The following TAF6 variants were observed in gnomAD, a reference collection of about 807,000 sequenced individuals.
TAF6 encodes the protein transcription initiation factor TFIID subunit 6.
TAF6 carries 50 observed loss-of-function variants against 73.5 expected under a neutral mutation model. The ratio of observed to expected loss-of-function variants is 0.68; its 90% CI spans 0.54 to 0.86. The LOEUF (loss-of-function observed/expected upper bound fraction) is 0.86, where lower values mean the gene tolerates loss of function less well. Among genes scored for constraint, TAF6 ranks in the 40% least tolerant of loss-of-function variants. The probability of loss-of-function intolerance (pLI) is 0.00; values close to 1 mark genes in which losing one functional copy is unlikely to be tolerated. For synonymous variants in TAF6, 424 were observed against 376.7 expected (o/e 1.13, Z -1.45); for missense variants, 768 against 899.5 (o/e 0.85, Z 1.87).
chr7:100,121,778 T>C (rs189212147), upstream of TAF6, among the ~76,000 whole-genome samples: 1,620 of 146,670 alleles, frequency 0.011, 17 homozygotes, highest in Middle Eastern at 0.024. Context: ...CGGCCGGGCG[T>C]GGTGGCTCAC....
chr7:100,113,958 G>A lies in TAF6; in HGVS notation c.157-4C>T, dbSNP rs922156250. On this transcript the variant is annotated splice_region_variant and splice_polypyrimidine_tract_variant and intron_variant, in intron 2 of 14. Transcript: ENST00000453269. ...TGTGCATGAACTTCAAGGCATCCTG[G>A]GGTCGGTGACAGAACAGACATCAGC... 1 of 1,614,158 alleles carries A rather than the reference G, an allele frequency of 6.2e-7. No homozygotes were observed. The highest frequency in any genetic ancestry group is 1.3e-5 in the African/African-American group (1 of 75,022).
rs374152959 is a variant in TAF6 at position 100,111,847 on chromosome 7, G to A, written c.799-18C>T. On this transcript the variant is annotated intron_variant, in intron 8 of 14. Coordinates refer to ENST00000453269, the MANE Select transcript of TAF6 (RefSeq NM_139315.3). The stretch of plus-strand genomic sequence containing the variant: ...ACACGGACCTGTGGGAGGGAGAAGT[G>A]CTGGGCATGGGGCAGGGAGACCCTC... The A allele has an allele frequency of 6.2e-6, 10 of 1,614,034 alleles. No individual in the cohort carries two copies. Among genetic ancestry groups the A allele is most frequent in the Middle Eastern group, 3.3e-4 (2 of 6,084 alleles).
chr7:100,117,271 T>TTC (rs1222774143), intron 1 of TAF6, among the ~76,000 whole-genome samples: 1 of 148,008 alleles, frequency 6.8e-6, no homozygotes, highest in East Asian at 2.0e-4. Flanking sequence ...AGGGCTCTTT[T>TTC]TTTTTTTTTT....
At chr7:100,121,116 A>ATTTT (rs1163501525), upstream of TAF6, 17 of 52,778 alleles carry the variant, frequency 3.2e-4, no homozygotes, top group African/African-American at 1.2e-3. Context: ...ATATATATAT[A>ATTTT]TTTTTTTTTT....
intron 13 of TAF6, 42 bp downstream of exon 13, chr7:100,108,325 C>T (rs755924814): frequency 1.9e-6 from 3 of 1,563,820 alleles, no homozygotes; most frequent in Non-Finnish European, 2.6e-6. Context: ...CAGGGGTTCT[C>T]CTCTGCTTCC....
chr7:100,121,116 A>ATATACATATT, upstream of TAF6: 1 of 52,800 alleles, frequency 1.9e-5, no homozygotes, highest in Non-Finnish European at 3.2e-5. Flanking sequence ...ATATATATAT[A>ATATACATATT]TTTTTTTTTT....
chr7:100,107,645 G>GT (rs778424679), intron 14 of TAF6, 22 bp from the exon 15 acceptor site: 1 of 1,607,780 alleles, frequency 6.2e-7, no homozygotes, highest in Non-Finnish European at 8.5e-7. Context: ...GGAAAGGCAG[G>GT]CCGCTTGCCC....
chr7:100,118,551 G>A (rs564353091), intron 1 of TAF6: 2 of 152,134 alleles, frequency 1.3e-5, no homozygotes, highest in South Asian at 4.2e-4. Flanking sequence ...CAGCTACTTA[G>A]GAGGCTGAGG....
In TAF6 at chr7:100,113,693, T is replaced by C; in HGVS notation, c.320A>G (p.Tyr107Cys). Residue 107 changes from tyrosine (Y) to cysteine (C), a missense_variant, in exon 4 of 15, where the codon TAT (tyrosine) becomes TGT (cysteine). By Grantham distance (194) the Tyr-to-Cys change is radical. Coordinates refer to ENST00000453269, the MANE Select transcript of TAF6 (RefSeq NM_139315.3). ...GCTCAGATCAACCTCCTTCTCCTCA[T>C]AGAAGTAAAGCTCCCGGCCCCCACC... Reference protein sequence around the residue: ...ASGGGRELYFYEEKEVDLSDI... With the variant: ...ASGGGRELYFCEEKEVDLSDI... 2 of 1,613,726 alleles carry C rather than the reference T, an allele frequency of 1.2e-6. No individual in the cohort carries two copies. Among genetic ancestry groups the C allele is most frequent in the Non-Finnish European group, 1.7e-6 (2 of 1,179,932 alleles).
At chr7:100,123,524 G>T (rs891401433), upstream of TAF6, among the ~76,000 whole-genome samples, 8 of 151,866 alleles carry the variant, frequency 5.3e-5, no homozygotes, top group Non-Finnish European at 1.2e-4. Context: ...TAATTTTAAA[G>T]AATTTTTTTT....
chr7:100,108,183 G>A (rs1796761407), intron 13 of TAF6, 60 bp from the exon 14 acceptor site: 1 of 1,521,686 alleles, frequency 6.6e-7, no homozygotes, highest in African/African-American at 1.4e-5. Context: ...GAGTCTGAAG[G>A]GAGAGGCCTG....
At chr7:100,121,108 A>ATTTTTTTTTTTTTTTTTTT (rs1562938218), upstream of TAF6, 1 of 17,896 alleles carries the variant, frequency 5.6e-5, no homozygotes, top group Non-Finnish European at 1.3e-4. Flanking sequence ...ATATATATAT[A>ATTTTTTTTTTTTTTTTTTT]TATATATATT....
At chr7:100,122,717 A>G, upstream of TAF6, 1 of 1,536,696 alleles carries the variant, frequency 6.5e-7, no homozygotes. Context: ...CAAAACTGAA[A>G]TGGCAGAAAG....
At chr7:100,110,543 G>A (rs1797077708) in intron 10 of TAF6, among the ~76,000 whole-genome samples, 2 of 152,048 alleles carry the variant, frequency 1.3e-5, no homozygotes, top group Non-Finnish European at 2.9e-5. Flanking sequence ...CAGGTGCAGT[G>A]GCTCATACCC....
intron 4 of TAF6, 31 bp downstream of exon 4, chr7:100,113,585 T>TCCCTGCCACCCTGCTCTCCCCTCCC: frequency 1.9e-6 from 3 of 1,610,354 alleles, no homozygotes; most frequent in South Asian, 2.2e-5. Context: ...CTTTCCCTCC[T>TCCCTGCCACCCTGCTCTCCCCTCCC]CCCTGCCACC....
rs1286791781 is a variant in TAF6 at position 100,108,292 on chromosome 7, T to C, written c.1458+75A>G. On this transcript the variant is annotated intron_variant, in intron 13 of 14. Coordinates refer to ENST00000453269, the MANE Select transcript of TAF6 (RefSeq NM_139315.3). ...ACTACTGACTGAGGGCACATGTGGC[T>C]GTGTGCAAGTGCCTGTCCCACACAG... The C allele has an allele frequency of 6.0e-6, 9 of 1,510,548 alleles. No homozygotes were observed. The South Asian group carries it at 7.7e-5, about 13-fold the overall frequency. The allele number at this position is 1,510,548 out of a possible 1,614,324, so 93.6% of individuals were successfully genotyped here. A position where few individuals can be genotyped will look rare whatever the true frequency, so the allele number is the denominator to read the frequency against.
Position 100,108,368 on chromosome 7 carries a change from T to C in TAF6, c.1457A>G (p.Gln486Arg). ...QVNRTTLTITQPRPTLTLSQA... is the reference protein window; with the variant it reads ...QVNRTTLTITRPRPTLTLSQA... ...CCTCCTCCCCACCCGGCCACGGACC[T>C]GCGTGATGGTCAGAGTGGTCCTGTT... Residue 486 changes from glutamine (Q) to arginine (R), a missense_variant and splice_region_variant, in exon 13 of 15, where the codon CAG (glutamine) becomes CGG (arginine). Physicochemically the swap from Gln to Arg is conservative, Grantham distance 43. This residue lies in a region of TAF6 where 350 missense variants were observed against 352.3 expected (regional missense o/e 0.99). Transcript: ENST00000453269. The C allele has an allele frequency of 6.3e-7, 1 of 1,598,076 alleles. No individual in the cohort carries two copies. The highest frequency in any genetic ancestry group is 8.6e-7 in the Non-Finnish European group (1 of 1,168,998).
intron 1 of TAF6, among the ~76,000 whole-genome samples, chr7:100,116,202 T>C (rs1797657619): frequency 2.0e-5 from 3 of 152,142 alleles, no homozygotes; most frequent in South Asian, 4.1e-4. Context: ...GGCTCTCCAC[T>C]TGCCATAAAG....
chr7:100,108,045 T>C lies in TAF6; in HGVS notation c.1537A>G (p.Ile513Val), dbSNP rs751487023. ...TPGLLKVPGSIALPVQTLVSA... is the reference protein window; with the variant it reads ...TPGLLKVPGSVALPVQTLVSA... ...ACCAGTGTCTGGACAGGAAGTGCGATGGAGCCAGGAACCTTCAGCAAGCCA... is the reference window on the plus strand; with the variant it reads ...ACCAGTGTCTGGACAGGAAGTGCGACGGAGCCAGGAACCTTCAGCAAGCCA... The change falls in exon 14 of 15, where the codon ATC (isoleucine) becomes GTC (valine). Residue 513 changes from isoleucine to valine, a missense_variant. By Grantham distance (29) the Ile-to-Val change is conservative. Coordinates refer to ENST00000453269, the MANE Select transcript of TAF6 (RefSeq NM_139315.3). The C allele has an allele frequency of 1.5e-5, 25 of 1,613,346 alleles. No homozygotes were observed. The highest frequency in any genetic ancestry group is 1.9e-5 in the Non-Finnish European group (23 of 1,179,902).
Sources: gnomAD v4.1 joint callset for allele counts (sites outside exome capture counted in the v4.1 genomes callset) on GRCh38, gnomAD v4.1.1 for gene constraint, gnomAD v4.1.1 regional missense constraint, MANE v1.5 for transcripts, NCBI Gene and HGNC (gene_info 2026-07-23, HGNC 2026-07-21) for gene names.